Variants in ZNF10 observed in about 807,000 individuals in gnomAD.
ZNF10 encodes zinc finger protein 10.
ZNF10 carries 8 observed loss-of-function variants against 12.2 expected under a neutral mutation model. The observed-to-expected ratio is 0.66, with a 90% CI of 0.39 to 1.18. ZNF10 has a LOEUF of 1.18. Among genes scored for constraint, ZNF10 ranks in the 50% most tolerant of loss-of-function variants. The probability of loss-of-function intolerance (pLI) is 0.01; values close to 1 mark genes in which losing one functional copy is unlikely to be tolerated. For missense variants in ZNF10, 603 were observed against 678.9 expected (o/e 0.89, Z 1.24); for synonymous variants, 229 against 228.2 (o/e 1.00, Z -0.03).
At chr12:133,152,453 C>G (rs1956014875) in intron 4 of ZNF10, among the ~76,000 whole-genome samples, 1 of 152,122 alleles carries the variant, frequency 6.6e-6, no homozygotes. Context: ...TTCACTCAGT[C>G]TCCCAGGCTG....
intron 1 of ZNF10, among the ~76,000 whole-genome samples, chr12:133,140,480 A>G (rs1352444583): frequency 1.5e-5 from 2 of 132,680 alleles, no homozygotes; most frequent in African/African-American, 3.0e-5. Flanking sequence ...GCACCATTCT[A>G]TGTTTTACAA....
rs999059212 is a variant in ZNF10 at position 133,150,964 on chromosome 12, G to A, written c.34-64G>A. 1.7e-5 allele frequency: 27 copies of A among 1,548,098 alleles called. No homozygotes were observed. The African/African-American group carries it at 1.9e-4, about 11-fold the overall frequency. On this transcript the variant is annotated intron_variant, in intron 2 of 4. Transcript: ENST00000248211. Reference sequence around the variant, plus strand: ...CAGCTTAATTTCTCTTCCTGTTAGCGATCAGGAAAGGGGGATAGCAAAGAT... The same window carrying A: ...CAGCTTAATTTCTCTTCCTGTTAGCAATCAGGAAAGGGGGATAGCAAAGAT...
Position 133,158,905 on chromosome 12 carries a change from G to C in ZNF10, c.*1937G>C, listed in dbSNP as rs1265949467. On this transcript the variant is annotated 3_prime_UTR_variant, in exon 5 of 5. Coordinates refer to ENST00000248211, the MANE Select transcript of ZNF10 (RefSeq NM_015394.5). The stretch of plus-strand genomic sequence containing the variant: ...GAAGTCAGACTCAGAACTAGGTCCT[G>C]GGTTTCATGTTTCCTGCTGCTCTTC... 6.6e-6 allele frequency: 1 copy of C among 152,356 alleles called. No homozygotes were observed. Among genetic ancestry groups the C allele is most frequent in the Middle Eastern group, 3.4e-3 (1 of 296 alleles). The allele number at this position is 152,356 out of a possible 1,614,324, so 9.4% of individuals were successfully genotyped here. A position where few individuals can be genotyped will look rare whatever the true frequency, so the allele number is the denominator to read the frequency against.
intron 1 of ZNF10, among the ~76,000 whole-genome samples, chr12:133,134,757 C>G (rs895800674): frequency 6.6e-6 from 1 of 152,234 alleles, no homozygotes; most frequent in African/African-American, 2.4e-5. Flanking sequence ...TTTGTGACCA[C>G]TCTGGTAGAA....
chr12:133,140,398 A>T (rs1395411872), intron 1 of ZNF10, among the ~76,000 whole-genome samples: 1 of 149,968 alleles, frequency 6.7e-6, no homozygotes, highest in Non-Finnish European at 1.5e-5. Flanking sequence ...AAGAAAAGAA[A>T]GACACTTGTG....
At chr12:133,143,119 C>T (rs773649763) in intron 1 of ZNF10, among the ~76,000 whole-genome samples, 25 of 152,144 alleles carry the variant, frequency 1.6e-4, no homozygotes, top group Non-Finnish European at 3.5e-4. Flanking sequence ...ATTCCACTTA[C>T]ATGACCTAAG....
chr12:133,139,969 C>A (rs1263308589), intron 1 of ZNF10, among the ~76,000 whole-genome samples: 1 of 151,800 alleles, frequency 6.6e-6, no homozygotes, highest in Non-Finnish European at 1.5e-5. Context: ...TTTGAGAGGC[C>A]AAAGCAGGAG....
In ZNF10 at chr12:133,151,042, C is replaced by A; in HGVS notation, c.48C>A (p.Phe16Leu). The change falls in exon 3 of 5, where the codon TTC becomes TTA. Residue 16 changes from phenylalanine (F) to leucine (L), a missense_variant. Physicochemically the swap from Phe to Leu is conservative, Grantham distance 22. This residue lies in a region of ZNF10 where 393 missense variants were observed against 399.7 expected (regional missense o/e 0.98). Transcript: ENST00000248211. ...LTAWSRTLVT[F>L]KDVFVDFTRE... ...TGATGTTGTAGACACTGGTGACCTT[C>A]AAGGATGTATTTGTGGACTTCACCA... 6.2e-7 allele frequency: 1 copy of A among 1,612,564 alleles called. No homozygotes were observed. The highest frequency in any genetic ancestry group is 8.5e-7 in the Non-Finnish European group (1 of 1,178,930).
intron 1 of ZNF10, among the ~76,000 whole-genome samples, chr12:133,132,074 C>T (rs1384844462): frequency 6.6e-6 from 1 of 152,092 alleles, no homozygotes; most frequent in African/African-American, 2.4e-5. Context: ...CCGTCCTCAA[C>T]AAGTTAGCAC....
intron 2 of ZNF10, among the ~76,000 whole-genome samples, chr12:133,149,352 CTTTTTTTTTTT>C (rs144304054): frequency 7.0e-5 from 6 of 85,806 alleles, no homozygotes; most frequent in East Asian, 3.1e-4. Context: ...TTTGCTATTG[CTTTTTTTTTTT>C]TTTTTTTTTT....
chr12:133,144,650 C>T, intron 2 of ZNF10, 125 bp downstream of exon 2: 1 of 961,106 alleles, frequency 1.0e-6, no homozygotes, highest in South Asian at 1.6e-5. Flanking sequence ...TGTTTTGTTT[C>T]CAGGTGAGTT....
intron 1 of ZNF10, among the ~76,000 whole-genome samples, chr12:133,136,567 C>T (rs748436743): frequency 2.0e-5 from 3 of 152,002 alleles, no homozygotes; most frequent in East Asian, 3.9e-4. Context: ...CTGGTCCTAC[C>T]GTTTATTTTA....
Position 133,157,133 on chromosome 12 carries a change from T to C in ZNF10, c.*165T>C, listed in dbSNP as rs1172406946. On this transcript the variant is annotated 3_prime_UTR_variant, in exon 5 of 5. Transcript: ENST00000248211. ...TGGAAGGGAAAGAAACCACAGATTT[T>C]ATTTCAGTACACAAATCCATCAGAT... The C allele has an allele frequency of 1.8e-6, 1 of 547,842 alleles. No homozygotes were observed. Among genetic ancestry groups the C allele is most frequent in the Admixed American group, 4.3e-5 (1 of 23,402 alleles). The allele number at this position is 547,842 out of a possible 1,614,324, so 33.9% of individuals were successfully genotyped here. A position where few individuals can be genotyped will look rare whatever the true frequency, so the allele number is the denominator to read the frequency against.
rs180980097 is a variant in ZNF10 at position 133,155,314 on chromosome 12, T to G, written c.257-189T>G. On this transcript the variant is annotated intron_variant, in intron 4 of 4. Coordinates refer to ENST00000248211, the MANE Select transcript of ZNF10 (RefSeq NM_015394.5). ...TTCTCCTTACTCCTTTTGCCCTTTG[T>G]GAGTACTGTATACCACAATGCATTT... is the stretch of plus-strand genomic sequence containing the variant. Among the ~76,000 whole-genome samples, 258 of 152,314 alleles carry G rather than the reference T, an allele frequency of 1.7e-3. No homozygotes were observed. The highest frequency in any genetic ancestry group is 6.0e-3 in the African/African-American group (249 of 41,568).
intron 1 of ZNF10, chr12:133,139,152 T>C (rs1955929848): frequency 6.6e-6 from 1 of 152,226 alleles, no homozygotes; most frequent in Admixed American, 6.5e-5. Flanking sequence ...TAATTGTGGA[T>C]CTCTCTTGCT....
chr12:133,132,006 A>G lies in ZNF10; in HGVS notation c.-60+1252A>G, dbSNP rs1164700059. On this transcript the variant is annotated intron_variant, in intron 1 of 4. Coordinates refer to ENST00000248211, the MANE Select transcript of ZNF10 (RefSeq NM_015394.5). ...CAAAATGAGAAGAGATTCAATTACT[A>G]TCAATAATTTGTAGTAAAGTGACTG... 4.6e-5 allele frequency among the ~76,000 whole-genome samples: 7 copies of G among 152,330 alleles called. No homozygotes were observed. The East Asian group carries it at 1.2e-3, about 25-fold the overall frequency.
intron 4 of ZNF10, among the ~76,000 whole-genome samples, chr12:133,152,414 T>C (rs966968886): frequency 3.9e-5 from 6 of 152,104 alleles, no homozygotes; most frequent in African/African-American, 7.2e-5. Flanking sequence ...TACTGTACTT[T>C]AGATCTTTTT....
intron 1 of ZNF10, chr12:133,144,089 G>GT (rs1257615261): frequency 1.3e-5 from 2 of 154,842 alleles, no homozygotes; most frequent in African/African-American, 2.4e-5. Flanking sequence ...GACAACACTT[G>GT]TTTTTTTAAT....
chr12:133,136,698 A>G (rs926722995), intron 1 of ZNF10, among the ~76,000 whole-genome samples: 1 of 152,200 alleles, frequency 6.6e-6, no homozygotes, highest in Non-Finnish European at 1.5e-5. Flanking sequence ...AGGGTTGTTG[A>G]TAGGAACATA....
Sources: allele counts gnomAD v4.1 joint callset (sites outside exome capture counted in the v4.1 genomes callset), GRCh38; gene constraint gnomAD v4.1.1; regional missense constraint gnomAD v4.1.1; transcripts MANE v1.5; gene names NCBI Gene and HGNC (gene_info 2026-07-23, HGNC 2026-07-21).